LINGO2: variants seen among roughly 807,000 people sequenced by gnomAD.
The protein encoded by LINGO2 is leucine-rich repeat and immunoglobulin-like domain-containing nogo receptor-interacting protein 2.
Under a neutral mutation model 30.6 loss-of-function variants are expected in LINGO2, and 14 were observed. That is an observed-to-expected ratio of 0.46 (90% CI 0.30 to 0.72). The LOEUF is 0.72. LINGO2 is among the 30% of genes least tolerant of loss of function. LINGO2 has a pLI of 0.07. For missense variants in LINGO2, 729 were observed against 751.7 expected (o/e 0.97, Z 0.35); for synonymous variants, 317 against 288.5 (o/e 1.10, Z -1.00).
the LINGO2 span, among the ~76,000 whole-genome samples, chr9:28,742,499 T>A: frequency 6.6e-6 from 1 of 151,934 alleles, no homozygotes; most frequent in East Asian, 1.9e-4. Context: ...TAAACATACA[T>A]CTTATCTTTT....
intron 1 of LINGO2, among the ~76,000 whole-genome samples, chr9:28,492,642 C>G (rs1018754644): frequency 6.6e-6 from 1 of 152,094 alleles, no homozygotes; most frequent in Non-Finnish European, 1.5e-5. Context: ...ATTATTCCCT[C>G]CATTGAAGAA....
At chr9:28,350,912 T>G (rs1248574748) in intron 3 of LINGO2, among the ~76,000 whole-genome samples, 2 of 151,728 alleles carry the variant, frequency 1.3e-5, no homozygotes, top group African/African-American at 4.8e-5. Context: ...GGGTACATAA[T>G]GAAATGAAGG....
At chr9:28,953,459 T>C in the LINGO2 span, among the ~76,000 whole-genome samples, 1 of 152,042 alleles carries the variant, frequency 6.6e-6, no homozygotes, top group Non-Finnish European at 1.5e-5. Flanking sequence ...ATGAAAACAC[T>C]AATTTAAAAA....
the LINGO2 span, among the ~76,000 whole-genome samples, chr9:28,911,805 T>G: frequency 6.6e-6 from 1 of 152,056 alleles, no homozygotes; most frequent in Non-Finnish European, 1.5e-5. Flanking sequence ...CAGAAAGAGA[T>G]GTACGTTCTC....
the LINGO2 span, among the ~76,000 whole-genome samples, chr9:29,134,451 T>A: frequency 2.0e-5 from 3 of 151,480 alleles, no homozygotes; most frequent in Non-Finnish European, 4.4e-5. Flanking sequence ...AATAACCATG[T>A]GATTTTTTTT....
intron 4 of LINGO2, among the ~76,000 whole-genome samples, chr9:28,030,325 T>C (rs945230830): frequency 6.6e-6 from 1 of 152,212 alleles, no homozygotes; most frequent in Non-Finnish European, 1.5e-5. Flanking sequence ...TTCATGTCAA[T>C]ATATTTTATC....
chr9:29,123,104 A>G, the LINGO2 span, among the ~76,000 whole-genome samples: 2 of 152,060 alleles, frequency 1.3e-5, no homozygotes, highest in East Asian at 1.9e-4. Context: ...ATTCAATCCC[A>G]CACAGGACAG....
intron 2 of LINGO2, among the ~76,000 whole-genome samples, chr9:28,465,728 A>T (rs1342631541): frequency 6.6e-6 from 1 of 152,216 alleles, no homozygotes; most frequent in Non-Finnish European, 1.5e-5. Context: ...AGGGATTAAT[A>T]ACCAGAATAT....
At chr9:28,465,108 G>A (rs1825243424) in intron 2 of LINGO2, among the ~76,000 whole-genome samples, 1 of 152,164 alleles carries the variant, frequency 6.6e-6, no homozygotes, top group Non-Finnish European at 1.5e-5. Flanking sequence ...TGTACTCTTT[G>A]TTTTGCTGTC....
chr9:28,696,586 A>C, the LINGO2 span, among the ~76,000 whole-genome samples: 1 of 151,856 alleles, frequency 6.6e-6, no homozygotes, highest in African/African-American at 2.4e-5. Context: ...AATGAAGCTT[A>C]TTTTCAATAT....
chr9:28,763,860 T>C, the LINGO2 span, among the ~76,000 whole-genome samples: 1 of 151,726 alleles, frequency 6.6e-6, no homozygotes, highest in Non-Finnish European at 1.5e-5. Context: ...CAAATGTCTC[T>C]GAAATAAAAA....
the LINGO2 span, among the ~76,000 whole-genome samples, chr9:28,934,859 A>G: frequency 3.3e-5 from 5 of 152,160 alleles, no homozygotes; most frequent in African/African-American, 9.7e-5. Context: ...TTGCCTTGGT[A>G]ATACAGCCAT....
chr9:28,050,381 A>G (rs1320180833), intron 4 of LINGO2, among the ~76,000 whole-genome samples: 2 of 150,766 alleles, frequency 1.3e-5, no homozygotes, highest in Admixed American at 6.7e-5. Flanking sequence ...AAAATATTTA[A>G]TATCTAATCA....
chr9:29,025,841 T>C, the LINGO2 span, among the ~76,000 whole-genome samples: 2 of 152,038 alleles, frequency 1.3e-5, no homozygotes, highest in African/African-American at 2.4e-5. Context: ...TAAACACCAT[T>C]CTATGTGATT....
At chr9:28,772,619 C>A in the LINGO2 span, among the ~76,000 whole-genome samples, 1 of 152,224 alleles carries the variant, frequency 6.6e-6, no homozygotes, top group Non-Finnish European at 1.5e-5. Flanking sequence ...TACCTTATTT[C>A]TTCTAGGCCT....
At chr9:28,015,383 G>C (rs1822776253) in intron 4 of LINGO2, among the ~76,000 whole-genome samples, 1 of 152,048 alleles carries the variant, frequency 6.6e-6, no homozygotes, top group African/African-American at 2.4e-5. Context: ...AAAATGCATA[G>C]AACACACACA....
chr9:28,979,089 C>CT, the LINGO2 span, among the ~76,000 whole-genome samples: 1 of 151,894 alleles, frequency 6.6e-6, no homozygotes, highest in South Asian at 2.1e-4. Flanking sequence ...TGTTTTTAAT[C>CT]TTTTTTTATC....
chr9:28,857,551 C>G, the LINGO2 span, among the ~76,000 whole-genome samples: 2 of 152,004 alleles, frequency 1.3e-5, no homozygotes, highest in African/African-American at 2.4e-5. Flanking sequence ...CTACTACCAC[C>G]TGACAGGTAC....
chr9:28,324,771 C>A (rs1251527399), intron 3 of LINGO2, among the ~76,000 whole-genome samples: 2 of 152,128 alleles, frequency 1.3e-5, no homozygotes, highest in Admixed American at 6.5e-5. Flanking sequence ...AATAAACTAA[C>A]CCTTGTTTAA....
Sources: allele counts gnomAD v4.1 joint callset (sites outside exome capture counted in the v4.1 genomes callset), GRCh38; gene constraint gnomAD v4.1.1; transcripts MANE v1.5; gene names NCBI Gene and HGNC (gene_info 2026-07-23, HGNC 2026-07-21).